The following SLC8A1 variants were observed in gnomAD, a reference collection of about 807,000 sequenced individuals.
The protein encoded by SLC8A1 is solute carrier family 8 member A1.
A neutral mutation model predicts 68.3 loss-of-function variants in SLC8A1; 18 were observed. The ratio of observed to expected loss-of-function variants is 0.26; its 90% CI spans 0.18 to 0.39. SLC8A1 has a LOEUF of 0.39. Ranked by LOEUF, SLC8A1 falls within the 10% of genes least tolerant of loss-of-function variation. The pLI, the probability that SLC8A1 is intolerant of heterozygous loss-of-function variation, is 1.00. For missense variants in SLC8A1, 985 were observed against 1,156.7 expected (o/e 0.85, Z 2.15); for synonymous variants, 475 against 415.5 (o/e 1.14, Z -1.74).
intron 2 of SLC8A1, among the ~76,000 whole-genome samples, chr2:40,277,798 A>ATATATATATATATATATGTGTG (rs2066939200): frequency 2.6e-5 from 1 of 38,270 alleles, no homozygotes; most frequent in African/African-American, 1.8e-4. Flanking sequence ...ATGTGTGTAT[A>ATATATATATATATATATGTGTG]TATATATATA....
chr2:40,173,227 G>C (rs1008254763), intron 4 of SLC8A1, among the ~76,000 whole-genome samples: 1 of 152,042 alleles, frequency 6.6e-6, no homozygotes, highest in Non-Finnish European at 1.5e-5. Flanking sequence ...GATAGAATTA[G>C]AGTGTTTACA....
chr2:40,377,514 T>C (rs924780711), intron 2 of SLC8A1, among the ~76,000 whole-genome samples: 1 of 152,154 alleles, frequency 6.6e-6, no homozygotes, highest in African/African-American at 2.4e-5. Context: ...ATATTTGAAG[T>C]GCTTGAAGTC....
intron 5 of SLC8A1, among the ~76,000 whole-genome samples, chr2:40,161,460 A>G (rs1260991914): frequency 1.3e-5 from 2 of 152,190 alleles, no homozygotes; most frequent in Non-Finnish European, 2.9e-5. Context: ...ACAAGAATAC[A>G]CAAAAATACA....
intron 2 of SLC8A1, among the ~76,000 whole-genome samples, chr2:40,324,784 G>A (rs1053441440): frequency 1.3e-5 from 2 of 152,008 alleles, no homozygotes; most frequent in African/African-American, 4.8e-5. Context: ...CACAAAGGTT[G>A]CATCTTGACA....
At chr2:40,396,142 T>G (rs532054051) in intron 2 of SLC8A1, among the ~76,000 whole-genome samples, 43 of 152,244 alleles carry the variant, frequency 2.8e-4, no homozygotes, top group African/African-American at 9.6e-4. Context: ...AACAAAAACA[T>G]TTAATAAAAT....
At chr2:40,296,161 T>C (rs1276670883) in intron 2 of SLC8A1, among the ~76,000 whole-genome samples, 1 of 152,202 alleles carries the variant, frequency 6.6e-6, no homozygotes, top group Non-Finnish European at 1.5e-5. Context: ...TGATTTGCAA[T>C]GTATGTTAGT....
chr2:40,468,254 T>C (rs758463882), intron 1 of SLC8A1, among the ~76,000 whole-genome samples: 6 of 152,170 alleles, frequency 3.9e-5, no homozygotes, highest in Non-Finnish European at 7.4e-5. Flanking sequence ...TTTTGAGATA[T>C]TACTAACTTT....
chr2:40,177,873 A>T (rs1471699608), intron 2 of SLC8A1: 2 of 1,489,960 alleles, frequency 1.3e-6, no homozygotes, highest in Non-Finnish European at 1.8e-6. Flanking sequence ...AACACAAGAC[A>T]AAGGCAAAAC....
intron 2 of SLC8A1, among the ~76,000 whole-genome samples, chr2:40,302,031 CTGTGTGTGTGTGTGTGTG>C (rs374407377): frequency 4.6e-4 from 61 of 132,228 alleles, no homozygotes; most frequent in Admixed American, 3.0e-3. Context: ...CCGGGCTAAT[CTGTGTGTGTGTGTGTGTG>C]TGTGTGTGTG....
At chr2:40,227,671 T>C (rs2059153367) in intron 2 of SLC8A1, among the ~76,000 whole-genome samples, 2 of 152,114 alleles carry the variant, frequency 1.3e-5, no homozygotes, top group Admixed American at 6.6e-5. Flanking sequence ...TTTATCTATG[T>C]AACAAACCTG....
chr2:40,421,825 G>C (rs902209851), intron 2 of SLC8A1, among the ~76,000 whole-genome samples: 3 of 152,214 alleles, frequency 2.0e-5, no homozygotes, highest in African/African-American at 7.2e-5. Context: ...AGCTGTATAA[G>C]TCTGTGAAAA....
At chr2:40,354,726 G>C (rs1419223758) in intron 2 of SLC8A1, among the ~76,000 whole-genome samples, 2 of 152,020 alleles carry the variant, frequency 1.3e-5, no homozygotes, top group Non-Finnish European at 1.5e-5. Flanking sequence ...CTTAAGAAAA[G>C]AAAAAGGGAG....
Position 40,379,670 on chromosome 2 carries a change from T to A in SLC8A1, c.1808+48803A>T, listed in dbSNP as rs1168819277. Among the ~76,000 whole-genome samples, 3 of 151,618 alleles carry A rather than the reference T, an allele frequency of 2.0e-5. No homozygotes were observed. In the East Asian group the frequency reaches 5.9e-4, roughly 30 times the overall value. On this transcript the variant is annotated intron_variant, in intron 2 of 7. Coordinates refer to ENST00000406785, the Ensembl canonical transcript of SLC8A1. Reference sequence around the variant, plus strand: ...TTTTTTTTTTTCCCTGCAGAGAATGTGTCTGTTTACCGCATCACCATCACC... The same window carrying A: ...TTTTTTTTTTTCCCTGCAGAGAATGAGTCTGTTTACCGCATCACCATCACC...
At chr2:40,240,646 A>T (rs540215641) in intron 2 of SLC8A1, among the ~76,000 whole-genome samples, 1 of 152,262 alleles carries the variant, frequency 6.6e-6, no homozygotes, top group African/African-American at 2.4e-5. Flanking sequence ...AGCCATATAA[A>T]TCTGTACTAC....
At chr2:40,379,545 G>A (rs969395859) in intron 2 of SLC8A1, among the ~76,000 whole-genome samples, 8 of 152,048 alleles carry the variant, frequency 5.3e-5, no homozygotes, top group Middle Eastern at 3.4e-3. Flanking sequence ...TCACCTAACC[G>A]AAGTCGCCCC....
At chr2:40,115,679 C>A in intron 7 of SLC8A1, 50 bp from the exon 11 acceptor site, 2 of 1,561,534 alleles carry the variant, frequency 1.3e-6, no homozygotes, top group Non-Finnish European at 1.7e-6. Context: ...TTAGAGATGT[C>A]TTTGGAGTGC....
intron 1 of SLC8A1, among the ~76,000 whole-genome samples, chr2:40,448,444 G>A (rs941240224): frequency 1.3e-5 from 2 of 152,168 alleles, no homozygotes; most frequent in Middle Eastern, 3.2e-3. Flanking sequence ...ATCCCAATGG[G>A]TCAGAAAACA....
intron 2 of SLC8A1, among the ~76,000 whole-genome samples, chr2:40,291,485 C>T (rs1368400421): frequency 6.6e-6 from 1 of 152,078 alleles, no homozygotes; most frequent in Non-Finnish European, 1.5e-5. Context: ...GCCCAGGGCG[C>T]CAACAGCATG....
At chr2:40,116,673 A>T (rs1170530230) in intron 7 of SLC8A1, 1 of 152,148 alleles carries the variant, frequency 6.6e-6, no homozygotes, top group Non-Finnish European at 1.5e-5. Context: ...GGAAAAAAAC[A>T]TGTTAGGGCT....
Sources: gnomAD v4.1 joint callset for allele counts (sites outside exome capture counted in the v4.1 genomes callset) on GRCh38, gnomAD v4.1.1 for gene constraint, MANE v1.5 for transcripts, NCBI Gene and HGNC (gene_info 2026-07-23, HGNC 2026-07-21) for gene names.